Variants in PPFIA2 observed in about 807,000 individuals in gnomAD.
The protein encoded by PPFIA2 is liprin-alpha-2.
A neutral mutation model predicts 175.5 loss-of-function variants in PPFIA2; 46 were observed. The ratio of observed to expected loss-of-function variants is 0.26; its 90% confidence interval spans 0.21 to 0.34. PPFIA2 has a LOEUF of 0.34. PPFIA2 is among the 10% of genes least tolerant of loss of function. PPFIA2 has a pLI of 1.00. For missense variants in PPFIA2, 1,179 were observed against 1,506.1 expected (o/e 0.78, Z 3.60); for synonymous variants, 568 against 511.4 (o/e 1.11, Z -1.49).
At chr12:81,754,369 A>G in intron 2 of PPFIA2, 146 bp from the exon 3 acceptor site, 1 of 985,242 alleles carries the variant, frequency 1.0e-6, no homozygotes, top group Non-Finnish European at 1.5e-6. Flanking sequence ...CAGCCAAGCA[A>G]AATGTTTTGA....
chr12:81,613,319 T>C (rs891723714), intron 4 of PPFIA2, among the ~76,000 whole-genome samples: 9 of 152,196 alleles, frequency 5.9e-5, no homozygotes, highest in African/African-American at 2.2e-4. Flanking sequence ...CCTGAGCAAT[T>C]TGGGGCCCAC....
intron 4 of PPFIA2, among the ~76,000 whole-genome samples, chr12:81,459,700 G>A (rs1263341604): frequency 6.6e-6 from 1 of 152,128 alleles, no homozygotes; most frequent in Admixed American, 6.6e-5. Flanking sequence ...AGATGTTATA[G>A]GCCACAGAAA....
At chr12:81,267,370 C>G (rs1745360431) in intron 29 of PPFIA2, 1 of 369,052 alleles carries the variant, frequency 2.7e-6, no homozygotes, top group Non-Finnish European at 5.2e-6. Flanking sequence ...TTTATTGAAT[C>G]TATGTAGGTA....
intron 22 of PPFIA2, among the ~76,000 whole-genome samples, chr12:81,305,243 A>G (rs2048864510): frequency 6.6e-6 from 1 of 152,198 alleles, no homozygotes; most frequent in Non-Finnish European, 1.5e-5. Context: ...AAAAGCACCT[A>G]GCAGCCAATA....
chr12:81,372,878 C>G (rs547133220), intron 11 of PPFIA2, among the ~76,000 whole-genome samples: 1 of 151,422 alleles, frequency 6.6e-6, no homozygotes, highest in South Asian at 2.1e-4. Flanking sequence ...GGTTCAGGGA[C>G]AGTAAAGGGA....
At chr12:81,581,258 C>A (rs1370823908) in intron 4 of PPFIA2, among the ~76,000 whole-genome samples, 7 of 151,196 alleles carry the variant, frequency 4.6e-5, no homozygotes, top group African/African-American at 1.5e-4. Context: ...GTTGAGCAAG[C>A]CAGGCACAAG....
chr12:81,707,147 C>G (rs1031175927), intron 3 of PPFIA2, among the ~76,000 whole-genome samples: 2 of 152,112 alleles, frequency 1.3e-5, no homozygotes, highest in African/African-American at 2.4e-5. Flanking sequence ...AAAGCAATGG[C>G]AACAAAAGCC....
intron 4 of PPFIA2, among the ~76,000 whole-genome samples, chr12:81,594,998 C>A (rs1166194348): frequency 6.6e-6 from 1 of 151,896 alleles, no homozygotes; most frequent in Non-Finnish European, 1.5e-5. Context: ...TAGGACTGTG[C>A]AGATATGGTT....
intron 4 of PPFIA2, among the ~76,000 whole-genome samples, chr12:81,503,550 TAAA>T (rs11352249): frequency 4.9e-5 from 6 of 122,930 alleles, no homozygotes; most frequent in Admixed American, 1.6e-4. Flanking sequence ...GTTATTTTGC[TAAA>T]AAAAAAAAAA....
intron 15 of PPFIA2, among the ~76,000 whole-genome samples, chr12:81,360,906 A>C (rs2029872687): frequency 6.6e-6 from 1 of 151,706 alleles, no homozygotes; most frequent in African/African-American, 2.4e-5. Context: ...CCTGTGATAT[A>C]ATCAGAAAAA....
chr12:81,447,559 T>G (rs891700648), intron 5 of PPFIA2, among the ~76,000 whole-genome samples: 32 of 152,318 alleles, frequency 2.1e-4, no homozygotes, highest in African/African-American at 7.5e-4. Context: ...AAAGTAAGTT[T>G]CTCCTTTTCC....
chr12:81,355,155 T>G (rs1170559581), intron 16 of PPFIA2, among the ~76,000 whole-genome samples: 2 of 152,184 alleles, frequency 1.3e-5, no homozygotes, highest in African/African-American at 4.8e-5. Context: ...ACAGAATGAA[T>G]GTTGTGTTAG....
intron 27 of PPFIA2, among the ~76,000 whole-genome samples, chr12:81,278,281 G>C (rs548527714): frequency 6.6e-6 from 1 of 152,234 alleles, no homozygotes; most frequent in Admixed American, 6.5e-5. Context: ...GGTGGCTCAC[G>C]CCTGTAATCA....
At chr12:81,312,055 C>T (rs2051043624) in intron 22 of PPFIA2, 2 of 1,020,994 alleles carry the variant, frequency 2.0e-6, no homozygotes, top group South Asian at 2.9e-5. Flanking sequence ...AGGTCAGAGG[C>T]AGTGCAGCTT....
At chr12:81,290,415 T>C (rs2044612921) in intron 24 of PPFIA2, among the ~76,000 whole-genome samples, 1 of 151,852 alleles carries the variant, frequency 6.6e-6, no homozygotes, top group African/African-American at 2.4e-5. Context: ...GAGTAAATGC[T>C]ACCATGTAGA....
At chr12:81,386,483 G>T (rs995837455) in intron 8 of PPFIA2, among the ~76,000 whole-genome samples, 1 of 151,670 alleles carries the variant, frequency 6.6e-6, no homozygotes, top group African/African-American at 2.4e-5. Context: ...TTAGCCAGGT[G>T]TTGTGGCACG....
chr12:81,311,940 A>T (rs1484960705), intron 22 of PPFIA2: 1 of 567,440 alleles, frequency 1.8e-6, no homozygotes. Context: ...CTGAAGAAAT[A>T]CAAGTGCCCA....
chr12:81,706,431 C>G (rs921784656), intron 3 of PPFIA2, among the ~76,000 whole-genome samples: 1 of 152,098 alleles, frequency 6.6e-6, no homozygotes, highest in African/African-American at 2.4e-5. Flanking sequence ...TTTTATGAAG[C>G]TATTTATTGT....
chr12:81,431,439 T>C (rs1346739396), intron 7 of PPFIA2: 3 of 152,204 alleles, frequency 2.0e-5, no homozygotes, highest in Non-Finnish European at 4.4e-5. Context: ...TTTAGGACAA[T>C]GGCCTGGAAC....
Sources: gnomAD v4.1 joint callset for allele counts (sites outside exome capture counted in the v4.1 genomes callset) on GRCh38, gnomAD v4.1.1 for gene constraint, MANE v1.5 for transcripts, NCBI Gene and HGNC (gene_info 2026-07-23, HGNC 2026-07-21) for gene names.